LINGO2: variants seen among roughly 807,000 people sequenced by gnomAD.
LINGO2 encodes the protein leucine rich repeat and Ig domain containing 2, also known as leucine-rich repeat and immunoglobulin-like domain-containing nogo receptor-interacting protein 2.
Under a neutral mutation model 30.6 loss-of-function variants are expected in LINGO2, and 14 were observed. The ratio of observed to expected loss-of-function variants is 0.46; its 90% CI spans 0.30 to 0.72. The LOEUF (loss-of-function observed/expected upper bound fraction) is 0.72. Ranked by LOEUF, LINGO2 falls within the 30% of genes least tolerant of loss-of-function variation. The pLI is 0.07. For missense variants in LINGO2, 729 were observed against 751.7 expected (o/e 0.97, Z 0.35); for synonymous variants, 317 against 288.5 (o/e 1.10, Z -1.00).
intron 4 of LINGO2, among the ~76,000 whole-genome samples, chr9:28,274,168 C>T (rs369411580): frequency 6.6e-6 from 1 of 152,128 alleles, no homozygotes; most frequent in African/African-American, 2.4e-5. Flanking sequence ...CCTAAGCACA[C>T]AAAACTAATT....
intron 4 of LINGO2, among the ~76,000 whole-genome samples, chr9:28,168,516 A>G (rs1437867956): frequency 6.6e-6 from 1 of 152,246 alleles, no homozygotes; most frequent in Non-Finnish European, 1.5e-5. Flanking sequence ...AGTACCTTTC[A>G]TAACAGGTGT....
intron 3 of LINGO2, among the ~76,000 whole-genome samples, chr9:28,359,003 C>T (rs191733259): frequency 5.7e-4 from 87 of 152,184 alleles, no homozygotes; most frequent in African/African-American, 1.9e-3. Context: ...TTTGAGACAC[C>T]AGAGAGATTG....
intron 4 of LINGO2, among the ~76,000 whole-genome samples, chr9:28,178,328 C>T (rs558847481): frequency 6.6e-5 from 10 of 152,114 alleles, no homozygotes; most frequent in South Asian, 4.2e-4. Flanking sequence ...AGCTTGAAAC[C>T]GTAGTTTACA....
chr9:28,473,748 C>CT (rs1382464307), intron 2 of LINGO2, among the ~76,000 whole-genome samples: 5 of 152,046 alleles, frequency 3.3e-5, no homozygotes, highest in Non-Finnish European at 7.4e-5. Context: ...GTTTTCTTTA[C>CT]TTTAGTTTGT....
exon 2 of LINGO2, chr9:28,475,955 G>T (rs933308938): frequency 6.6e-6 from 1 of 152,534 alleles, no homozygotes; most frequent in African/African-American, 2.4e-5. Context: ...TGAATTGTTG[G>T]GCTCTTCATG....
the LINGO2 span, among the ~76,000 whole-genome samples, chr9:28,771,599 T>C: frequency 6.6e-6 from 1 of 151,982 alleles, no homozygotes; most frequent in Non-Finnish European, 1.5e-5. Flanking sequence ...GTGAATTTTG[T>C]GAACAAGAGA....
the LINGO2 span, among the ~76,000 whole-genome samples, chr9:29,113,739 T>C: frequency 1.3e-5 from 2 of 152,198 alleles, no homozygotes; most frequent in Admixed American, 6.6e-5. Context: ...CAATTAAACA[T>C]GGCTTTACCA....
chr9:28,297,347 T>C (rs1410953085), intron 3 of LINGO2, among the ~76,000 whole-genome samples: 1 of 152,210 alleles, frequency 6.6e-6, no homozygotes, highest in Non-Finnish European at 1.5e-5. Flanking sequence ...CTAACTTTTG[T>C]TCATTTATTT....
At chr9:28,922,355 A>G in the LINGO2 span, among the ~76,000 whole-genome samples, 9 of 152,002 alleles carry the variant, frequency 5.9e-5, no homozygotes, top group Non-Finnish European at 7.4e-5. Flanking sequence ...GGAAGGGTAC[A>G]GTTACTCTGC....
the LINGO2 span, among the ~76,000 whole-genome samples, chr9:29,152,264 G>C: frequency 1.3e-5 from 2 of 152,104 alleles, no homozygotes; most frequent in Non-Finnish European, 2.9e-5. Context: ...ACTTTTCAAA[G>C]ATTTTCAAAC....
At chr9:28,139,967 TA>T (rs1013471317) in intron 4 of LINGO2, among the ~76,000 whole-genome samples, 38 of 152,254 alleles carry the variant, frequency 2.5e-4, no homozygotes, top group African/African-American at 8.9e-4. Context: ...GCCTTTTAAT[TA>T]AAAAAAGTGC....
At chr9:28,315,116 G>A (rs1377921821) in intron 3 of LINGO2, among the ~76,000 whole-genome samples, 1 of 151,424 alleles carries the variant, frequency 6.6e-6, no homozygotes, top group Non-Finnish European at 1.5e-5. Flanking sequence ...AACACAATCA[G>A]AGATGGATAA....
the LINGO2 span, among the ~76,000 whole-genome samples, chr9:28,895,303 C>T: frequency 2.0e-5 from 3 of 152,088 alleles, no homozygotes; most frequent in Non-Finnish European, 4.4e-5. Context: ...GCAAACCTGG[C>T]AAACAGTGCT....
rs1190081097 is a variant in LINGO2, at chr9:28,130,196, C to A, written c.-86-117791G>T. On this transcript the variant is annotated intron_variant, in intron 4 of 5. Coordinates refer to ENST00000379992, the Ensembl canonical transcript of LINGO2. The surrounding 1 kb of genome is among the most constrained non-coding windows in gnomAD (Gnocchi z 5.2). Reference sequence around the variant, plus strand: ...TTTAACCACTGGTTTGAACTCTAGACCCTCTAAAATAGACCTTAACACACT... The same window carrying A: ...TTTAACCACTGGTTTGAACTCTAGAACCTCTAAAATAGACCTTAACACACT... Among the ~76,000 whole-genome samples, 1 of 152,178 alleles carries A rather than the reference C, an allele frequency of 6.6e-6. No homozygotes were observed. Among genetic ancestry groups the A allele is most frequent in the Non-Finnish European group, 1.5e-5 (1 of 68,032 alleles).
At chr9:28,827,436 CA>C in the LINGO2 span, among the ~76,000 whole-genome samples, 1 of 152,260 alleles carries the variant, frequency 6.6e-6, no homozygotes, top group Admixed American at 6.5e-5. Flanking sequence ...AAAACTTAAG[CA>C]AGTTATTTAA....
the LINGO2 span, among the ~76,000 whole-genome samples, chr9:28,908,277 TA>T: frequency 6.6e-6 from 1 of 151,616 alleles, no homozygotes; most frequent in Admixed American, 6.6e-5. Context: ...GGAAGGTCTA[TA>T]GCTAATATGG....
intron 3 of LINGO2, among the ~76,000 whole-genome samples, chr9:28,320,594 T>G (rs1359694531): frequency 2.0e-5 from 3 of 152,214 alleles, no homozygotes; most frequent in Non-Finnish European, 4.4e-5. Flanking sequence ...GTTCTAGGGA[T>G]GGGGTCAGGA....
the LINGO2 span, among the ~76,000 whole-genome samples, chr9:29,051,946 A>G: frequency 9.2e-5 from 14 of 152,314 alleles, no homozygotes; most frequent in East Asian, 3.9e-4. Flanking sequence ...TTAGCAAAGC[A>G]TCTGGCACAT....
intron 4 of LINGO2, among the ~76,000 whole-genome samples, chr9:28,201,420 A>C (rs1487588116): frequency 7.0e-6 from 1 of 143,510 alleles, no homozygotes; most frequent in East Asian, 2.0e-4. Context: ...ATCATTTTTT[A>C]TGGCTGCATA....
Sources: gnomAD v4.1 joint callset for allele counts (sites outside exome capture counted in the v4.1 genomes callset) on GRCh38, gnomAD v4.1.1 for gene constraint, Gnocchi (gnomAD v3.1) non-coding constraint, MANE v1.5 for transcripts, NCBI Gene and HGNC (gene_info 2026-07-23, HGNC 2026-07-21) for gene names.